The following ARHGAP24 variants were observed in gnomAD, a reference collection of about 807,000 sequenced individuals.
The protein encoded by ARHGAP24 is rho GTPase-activating protein 24.
Under a neutral mutation model 76.4 loss-of-function variants are expected in ARHGAP24, and 50 were observed. The ratio of observed to expected loss-of-function variants is 0.65; its 90% confidence interval spans 0.52 to 0.83. The LOEUF (loss-of-function observed/expected upper bound fraction) is 0.83. Ranked by LOEUF, ARHGAP24 falls within the 40% of genes least tolerant of loss-of-function variation. The pLI is 0.00. For synonymous variants in ARHGAP24, 345 were observed against 323.3 expected, an observed-to-expected ratio of 1.07 and a Z score of -0.72; for missense variants, 930 against 914.2, an observed-to-expected ratio of 1.02 and a Z score of -0.22.
At chr4:85,938,725 CT>C (rs1210501287) in intron 4 of ARHGAP24, among the ~76,000 whole-genome samples, 1 of 152,062 alleles carries the variant, frequency 6.6e-6, no homozygotes, top group Non-Finnish European at 1.5e-5. Flanking sequence ...TGCCCTAAAA[CT>C]TTTTTATATA....
At chr4:85,732,336 G>A (rs1725439796) in intron 3 of ARHGAP24, among the ~76,000 whole-genome samples, 1 of 152,154 alleles carries the variant, frequency 6.6e-6, no homozygotes, top group Non-Finnish European at 1.5e-5. Context: ...AAACAGATGA[G>A]GAAAAGGAAA....
At chr4:85,500,751 T>C (rs1723770119) in intron 1 of ARHGAP24, among the ~76,000 whole-genome samples, 1 of 152,136 alleles carries the variant, frequency 6.6e-6, no homozygotes, top group Non-Finnish European at 1.5e-5. Flanking sequence ...AGTTCTAGGG[T>C]ACATGTGCAC....
At chr4:85,633,247 G>T (rs908708854) in intron 2 of ARHGAP24, among the ~76,000 whole-genome samples, 1 of 151,752 alleles carries the variant, frequency 6.6e-6, no homozygotes, top group African/African-American at 2.4e-5. Context: ...TATCTTATGG[G>T]TTATCTGTCA....
intron 5 of ARHGAP24, among the ~76,000 whole-genome samples, chr4:85,950,621 A>T (rs963351686): frequency 1.3e-5 from 2 of 149,874 alleles, no homozygotes; most frequent in Non-Finnish European, 3.0e-5. Context: ...GATTATAATA[A>T]TTTTTTTTCT....
At chr4:85,934,228 T>C (rs1736506298) in intron 4 of ARHGAP24, among the ~76,000 whole-genome samples, 1 of 152,216 alleles carries the variant, frequency 6.6e-6, no homozygotes, top group South Asian at 2.1e-4. Context: ...GAGGAAGTCC[T>C]ATTTCAAGTA....
chr4:85,687,978 AT>A (rs1416365814), intron 2 of ARHGAP24, among the ~76,000 whole-genome samples: 2 of 151,844 alleles, frequency 1.3e-5, no homozygotes, highest in Non-Finnish European at 2.9e-5. Context: ...TGCTCGGCTA[AT>A]TTTTTGTATT....
intron 3 of ARHGAP24, among the ~76,000 whole-genome samples, chr4:85,769,705 A>G (rs897152587): frequency 1.3e-5 from 2 of 151,390 alleles, no homozygotes; most frequent in African/African-American, 4.9e-5. Context: ...CTCCTGCCTC[A>G]GCATCCCAAG....
At chr4:85,576,011 C>T (rs1441821660) in intron 2 of ARHGAP24, among the ~76,000 whole-genome samples, 1 of 152,096 alleles carries the variant, frequency 6.6e-6, no homozygotes, top group Non-Finnish European at 1.5e-5. Context: ...TTTTTCTGTG[C>T]CTGATCAAGA....
chr4:85,476,878 A>G (rs778638467), intron 1 of ARHGAP24, among the ~76,000 whole-genome samples: 2 of 152,216 alleles, frequency 1.3e-5, no homozygotes, highest in African/African-American at 2.4e-5. Context: ...TTTTCTGGGC[A>G]TATTTCAACT....
intron 3 of ARHGAP24, among the ~76,000 whole-genome samples, chr4:85,873,071 A>T (rs1732634669): frequency 6.6e-6 from 1 of 152,176 alleles, no homozygotes; most frequent in Non-Finnish European, 1.5e-5. Context: ...AAAAGGCTGC[A>T]GTGTGTGATG....
intron 3 of ARHGAP24, 90 bp from the exon 4 acceptor site, chr4:85,923,558 C>T (rs1735849776): frequency 6.4e-7 from 1 of 1,567,352 alleles, no homozygotes; most frequent in Non-Finnish European, 8.7e-7. Flanking sequence ...CTGTATTAGG[C>T]ACAGTCTCTG....
intron 2 of ARHGAP24, among the ~76,000 whole-genome samples, chr4:85,589,559 C>T (rs1350909881): frequency 1.3e-5 from 2 of 152,080 alleles, no homozygotes; most frequent in African/African-American, 4.8e-5. Context: ...GGGACCATGC[C>T]TGAAAACTTA....
At chr4:85,905,479 G>T (rs1734724993) in intron 3 of ARHGAP24, among the ~76,000 whole-genome samples, 1 of 151,946 alleles carries the variant, frequency 6.6e-6, no homozygotes, top group South Asian at 2.1e-4. Flanking sequence ...TTCTTCCTTC[G>T]TTCATCCCTT....
chr4:85,803,154 T>C (rs1728647305), intron 3 of ARHGAP24, among the ~76,000 whole-genome samples: 1 of 152,228 alleles, frequency 6.6e-6, no homozygotes, highest in Non-Finnish European at 1.5e-5. Context: ...TCCTTAACAT[T>C]ATACTTTGTG....
At chr4:85,507,228 TA>T (rs202094395) in intron 1 of ARHGAP24, among the ~76,000 whole-genome samples, 5 of 151,936 alleles carry the variant, frequency 3.3e-5, no homozygotes, top group South Asian at 2.1e-4. Flanking sequence ...TTATTATTAT[TA>T]TTTTTTTTTA....
intron 4 of ARHGAP24, among the ~76,000 whole-genome samples, chr4:85,931,990 C>CAA (rs148282724): frequency 4.0e-5 from 6 of 148,714 alleles, no homozygotes; most frequent in African/African-American, 1.2e-4. Flanking sequence ...TAGTAACTAA[C>CAA]AAAAAAAAAT....
intron 1 of ARHGAP24, among the ~76,000 whole-genome samples, chr4:85,477,846 G>A (rs1204537837): frequency 1.3e-5 from 2 of 152,224 alleles, no homozygotes; most frequent in African/African-American, 4.8e-5. Flanking sequence ...CAGGCCGTGC[G>A]TTTGTTTCCT....
At chr4:85,693,083 T>C (rs1171265363) in intron 2 of ARHGAP24, among the ~76,000 whole-genome samples, 1 of 152,208 alleles carries the variant, frequency 6.6e-6, no homozygotes, top group Non-Finnish European at 1.5e-5. Flanking sequence ...TTTTTGGTGT[T>C]GTAGCTTGGA....
chr4:85,862,656 C>T (rs1731967169), intron 3 of ARHGAP24, among the ~76,000 whole-genome samples: 1 of 152,100 alleles, frequency 6.6e-6, no homozygotes, highest in South Asian at 2.1e-4. Context: ...ATATCCAGCT[C>T]ATGGTCAGCA....
Sources: gnomAD v4.1 joint callset for allele counts (sites outside exome capture counted in the v4.1 genomes callset) on GRCh38, gnomAD v4.1.1 for gene constraint, MANE v1.5 for transcripts, NCBI Gene and HGNC (gene_info 2026-07-23, HGNC 2026-07-21) for gene names.